The following SDK1 variants were observed in gnomAD, a reference collection of about 807,000 sequenced individuals.
The protein encoded by SDK1 is sidekick cell adhesion molecule 1, also known as protein sidekick-1.
Under a neutral mutation model 245.5 loss-of-function variants are expected in SDK1, and 157 were observed. The ratio of observed to expected loss-of-function variants is 0.64; its 90% CI spans 0.56 to 0.73. SDK1 has a LOEUF of 0.73. Among genes scored for constraint, SDK1 ranks in the 30% least tolerant of loss-of-function variants. The probability of loss-of-function intolerance (pLI) is 0.00; values close to 1 mark genes in which losing one functional copy is unlikely to be tolerated. For synonymous variants in SDK1, 1,647 were observed against 1,278.5 expected (o/e 1.29, Z -6.15); for missense variants, 3,583 against 3,002.3 (o/e 1.19, Z -4.52).
chr7:3,632,127 T>C (rs185427414), intron 2 of SDK1, among the ~76,000 whole-genome samples: 1 of 152,334 alleles, frequency 6.6e-6, no homozygotes, highest in East Asian at 1.9e-4. Flanking sequence ...CAATGTCCTC[T>C]TTCCTGAAGG....
chr7:3,560,444 T>G (rs530981552), intron 1 of SDK1, among the ~76,000 whole-genome samples: 1 of 152,236 alleles, frequency 6.6e-6, no homozygotes, highest in African/African-American at 2.4e-5. Context: ...TTTAAACTTA[T>G]ATCCAGTGTG....
At chr7:3,729,623 T>C (rs1332502023) in intron 4 of SDK1, among the ~76,000 whole-genome samples, 1 of 152,220 alleles carries the variant, frequency 6.6e-6, no homozygotes, top group East Asian at 1.9e-4. Flanking sequence ...CTGGGGCAGC[T>C]TTCCCTAGAC....
At chr7:4,071,884 G>A (rs1780277878) in intron 20 of SDK1, among the ~76,000 whole-genome samples, 1 of 152,194 alleles carries the variant, frequency 6.6e-6, no homozygotes, top group African/African-American at 2.4e-5. Context: ...AGACTCCTTG[G>A]TAGATGTGTG....
intron 44 of SDK1, among the ~76,000 whole-genome samples, chr7:4,257,448 A>G (rs1005731784): frequency 6.6e-6 from 1 of 152,202 alleles, no homozygotes; most frequent in East Asian, 1.9e-4. Context: ...ACTAAAATAC[A>G]TCCCCATTAA....
intron 1 of SDK1, among the ~76,000 whole-genome samples, chr7:3,516,575 C>G (rs900516697): frequency 6.6e-6 from 1 of 152,090 alleles, no homozygotes; most frequent in African/African-American, 2.4e-5. Flanking sequence ...TTTAGAGCTT[C>G]CATGACCTCT....
chr7:3,869,369 T>A (rs188582549), intron 5 of SDK1, among the ~76,000 whole-genome samples: 2 of 152,234 alleles, frequency 1.3e-5, no homozygotes, highest in Admixed American at 1.3e-4. Flanking sequence ...TTAGCCAGGC[T>A]GGTCTCAAAC....
intron 1 of SDK1, among the ~76,000 whole-genome samples, chr7:3,597,873 C>T (rs1781117467): frequency 6.6e-6 from 1 of 152,122 alleles, no homozygotes; most frequent in African/African-American, 2.4e-5. Flanking sequence ...CCATGTAGGG[C>T]ACTATAAATA....
intron 17 of SDK1, among the ~76,000 whole-genome samples, chr7:4,047,531 G>C (rs1217633596): frequency 6.6e-6 from 1 of 152,176 alleles, no homozygotes; most frequent in Non-Finnish European, 1.5e-5. Context: ...CAAATGCTTG[G>C]TGGAATTCAT....
intron 40 of SDK1, among the ~76,000 whole-genome samples, chr7:4,231,046 C>G (rs1183781264): frequency 6.6e-6 from 1 of 152,014 alleles, no homozygotes; most frequent in East Asian, 1.9e-4. Flanking sequence ...CCAGAGGAGG[C>G]CTGAACAGAG....
chr7:4,245,270 A>C (rs758478476), intron 43 of SDK1, among the ~76,000 whole-genome samples: 4 of 152,068 alleles, frequency 2.6e-5, no homozygotes, highest in Non-Finnish European at 5.9e-5. Flanking sequence ...ACTCCTTAGC[A>C]TGGCAGATCA....
chr7:4,265,223 C>T lies in SDK1; in HGVS notation c.6481C>T (p.Gln2161Ter). The T allele has an allele frequency of 6.2e-7, 1 of 1,609,380 alleles. No homozygotes were observed. ...TYYNSWKRRA[Q>*]GRAPAPHRYE... is the part of the protein sequence containing the mutation. ...CTACAACTCATGGAAGCGCAGGGCC[C>T]AGGGCCGCGCACCTGCGCCGCACAG... The change falls in exon 45 of 45, where the codon CAG (glutamine) becomes TAG (stop). Residue 2161 changes from glutamine to a stop codon, truncating the protein, a stop_gained. Coordinates refer to ENST00000404826, the MANE Select transcript of SDK1 (RefSeq NM_152744.4). LOFTEE classifies it low-confidence loss of function (END_TRUNC).
At chr7:3,557,368 C>G (rs1381713652) in intron 1 of SDK1, among the ~76,000 whole-genome samples, 1 of 152,144 alleles carries the variant, frequency 6.6e-6, no homozygotes, top group African/African-American at 2.4e-5. Context: ...AAACTGCAAA[C>G]TAATACTCAA....
intron 4 of SDK1, among the ~76,000 whole-genome samples, chr7:3,784,532 A>G (rs537963936): frequency 6.6e-6 from 1 of 152,284 alleles, no homozygotes; most frequent in East Asian, 1.9e-4. Context: ...AAAAATTCTA[A>G]TTAAAAAAAT....
intron 4 of SDK1, among the ~76,000 whole-genome samples, chr7:3,794,361 A>G (rs1778910777): frequency 6.6e-6 from 1 of 152,172 alleles, no homozygotes; most frequent in African/African-American, 2.4e-5. Context: ...GGAAGAAAAA[A>G]AAGGCATATA....
intron 19 of SDK1, among the ~76,000 whole-genome samples, chr7:4,054,553 G>T (rs917548553): frequency 1.3e-5 from 2 of 152,070 alleles, no homozygotes; most frequent in African/African-American, 4.8e-5. Context: ...AAATCATCTG[G>T]GTTCCTTTAT....
chr7:3,760,774 A>G (rs931899649), intron 4 of SDK1, among the ~76,000 whole-genome samples: 2 of 152,198 alleles, frequency 1.3e-5, no homozygotes, highest in Admixed American at 1.3e-4. Context: ...TGCCTTTCTC[A>G]GTAGGCAATA....
chr7:3,442,430 C>G (rs955520085), intron 1 of SDK1, among the ~76,000 whole-genome samples: 5 of 152,266 alleles, frequency 3.3e-5, no homozygotes, highest in African/African-American at 1.2e-4. Flanking sequence ...CAAATTAACC[C>G]TTTCTGAAAG....
intron 28 of SDK1, 68 bp from the exon 29 acceptor site, chr7:4,145,654 G>A (rs1230670915): frequency 6.5e-6 from 9 of 1,388,818 alleles, no homozygotes; most frequent in Non-Finnish European, 8.9e-6. Flanking sequence ...CACAGGGTGT[G>A]GGCACAGGGC....
intron 5 of SDK1, among the ~76,000 whole-genome samples, chr7:3,937,201 A>G (rs781392037): frequency 7.2e-5 from 11 of 152,094 alleles, no homozygotes; most frequent in Non-Finnish European, 1.3e-4. Flanking sequence ...CCTTGTCCCA[A>G]GGACCTCACT....
Sources: gnomAD v4.1 joint callset for allele counts (sites outside exome capture counted in the v4.1 genomes callset) on GRCh38, gnomAD v4.1.1 for gene constraint, MANE v1.5 for transcripts, NCBI Gene and HGNC (gene_info 2026-07-23, HGNC 2026-07-21) for gene names.